SLCO2A1: variants seen among roughly 807,000 people sequenced by gnomAD.
SLCO2A1 encodes matrin F/G 1.
A neutral mutation model predicts 71.7 loss-of-function variants in SLCO2A1; 60 were observed. The ratio of observed to expected loss-of-function variants is 0.84; its 90% CI spans 0.68 to 1.04. SLCO2A1 has a LOEUF of 1.04. Ranked by LOEUF, SLCO2A1 falls within the 50% of genes least tolerant of loss-of-function variation. SLCO2A1 has a pLI of 0.00. For synonymous variants in SLCO2A1, 308 were observed against 326.7 expected, an observed-to-expected ratio of 0.94 and a Z score of 0.62; for missense variants, 745 against 813.4, an observed-to-expected ratio of 0.92 and a Z score of 1.02.
At chr3:134,020,040 T>A (rs1290719995) in intron 1 of SLCO2A1, among the ~76,000 whole-genome samples, 1 of 152,154 alleles carries the variant, frequency 6.6e-6, no homozygotes, top group Non-Finnish European at 1.5e-5. Context: ...GGTTATGTTA[T>A]CTGTAGATTA....
chr3:133,957,666 C>T (rs1453759843), intron 3 of SLCO2A1, among the ~76,000 whole-genome samples: 1 of 152,188 alleles, frequency 6.6e-6, no homozygotes, highest in African/African-American at 2.4e-5. Flanking sequence ...CTTACACCTA[C>T]TTCCTCTCAG....
chr3:133,977,914 C>T (rs949831306), intron 2 of SLCO2A1, among the ~76,000 whole-genome samples: 8 of 151,968 alleles, frequency 5.3e-5, no homozygotes, highest in Non-Finnish European at 8.8e-5. Flanking sequence ...CTCAGGATAG[C>T]AATACAAGCA....
chr3:133,997,987 G>C (rs183718980), intron 1 of SLCO2A1, among the ~76,000 whole-genome samples: 1 of 152,206 alleles, frequency 6.6e-6, no homozygotes, highest in Non-Finnish European at 1.5e-5. Context: ...CCTTGCTCAC[G>C]GTGCCGGGGA....
intron 4 of SLCO2A1, among the ~76,000 whole-genome samples, chr3:133,954,390 G>A (rs1224231336): frequency 3.3e-5 from 5 of 152,034 alleles, no homozygotes; most frequent in South Asian, 4.1e-4. Flanking sequence ...TCGAACTCCC[G>A]GCCTCAGGTG....
Position 133,951,327 on chromosome 3 carries a change from G to A in SLCO2A1, c.742C>T (p.Pro248Ser). 6.2e-7 allele frequency: 1 copy of A among 1,614,080 alleles called. No individual in the cohort carries two copies. Among genetic ancestry groups the A allele is most frequent in the Non-Finnish European group, 8.5e-7 (1 of 1,180,004 alleles). The change falls in exon 6 of 14, where the codon CCG (proline) becomes TCG (serine). Residue 248 changes from proline to serine, a missense_variant. Pro to Ser is a moderately conservative substitution (Grantham distance 74). Transcript: ENST00000310926. ...GCTCCAATCCATCGGGGGTCACCCG[G>A]GACCAAGTTAACTGCAGCTGAAGAG... ...RVNTAAVNLV[P>S]GDPRWIGAWW...
chr3:133,975,224 T>C (rs1012007776), intron 2 of SLCO2A1, among the ~76,000 whole-genome samples: 2 of 152,206 alleles, frequency 1.3e-5, no homozygotes, highest in African/African-American at 4.8e-5. Flanking sequence ...CTCTCACTCT[T>C]CTTCCTTCCT....
chr3:133,987,603 A>G (rs1245509476), intron 1 of SLCO2A1, among the ~76,000 whole-genome samples: 2 of 152,188 alleles, frequency 1.3e-5, no homozygotes, highest in Non-Finnish European at 2.9e-5. Flanking sequence ...CCTAAAATGT[A>G]CAAAACCAAG....
intron 1 of SLCO2A1, among the ~76,000 whole-genome samples, chr3:134,028,812 C>T (rs1935748620): frequency 6.6e-6 from 1 of 152,202 alleles, no homozygotes; most frequent in South Asian, 2.1e-4. Flanking sequence ...GAGGTATCTT[C>T]CATTGTTACT....
At chr3:133,951,484 T>A in intron 5 of SLCO2A1, 140 bp from the exon 6 acceptor site, 1 of 995,804 alleles carries the variant, frequency 1.0e-6, no homozygotes, top group East Asian at 2.5e-5. Context: ...AGATTCTTGG[T>A]CAAAACAACA....
At chr3:134,003,083 T>C (rs1052347198) in intron 1 of SLCO2A1, among the ~76,000 whole-genome samples, 6 of 152,222 alleles carry the variant, frequency 3.9e-5, no homozygotes, top group Non-Finnish European at 8.8e-5. Context: ...TTCCCTCACC[T>C]GGAGTTCTCA....
Position 133,942,787 on chromosome 3 carries a change from G to C in SLCO2A1, c.1462-19C>G. On this transcript the variant is annotated intron_variant, in intron 10 of 13. Transcript: ENST00000310926. ...AATAGATCTTCAAGAGGAAGGGGAGGGAAAAAGGGGGAAATTTGTTATTAT... is the reference window on the plus strand; with the variant it reads ...AATAGATCTTCAAGAGGAAGGGGAGCGAAAAAGGGGGAAATTTGTTATTAT... 2 of 1,568,368 alleles carry C rather than the reference G, an allele frequency of 1.3e-6. No homozygotes were observed. Among genetic ancestry groups the C allele is most frequent in the Non-Finnish European group, 1.7e-6 (2 of 1,157,740 alleles).
At chr3:133,965,725 C>G (rs950008473) in intron 3 of SLCO2A1, among the ~76,000 whole-genome samples, 17 of 152,272 alleles carry the variant, frequency 1.1e-4, no homozygotes, top group African/African-American at 3.9e-4. Flanking sequence ...GTGAGCCTCC[C>G]TCTGTCTTCT....
chr3:134,005,833 A>C (rs1935204302), intron 1 of SLCO2A1, among the ~76,000 whole-genome samples: 1 of 151,994 alleles, frequency 6.6e-6, no homozygotes, highest in Non-Finnish European at 1.5e-5. Flanking sequence ...GATTATATTT[A>C]TATTGTGTTC....
intron 1 of SLCO2A1, among the ~76,000 whole-genome samples, chr3:134,019,926 A>C (rs112934891): frequency 0.014 from 2,171 of 151,690 alleles, 52 homozygotes; most frequent in African/African-American, 0.047. Flanking sequence ...CTGCCTCCAA[A>C]GAAAGAAAAA....
chr3:134,021,111 CTGATTTTGGTTT>C (rs1208477883), intron 1 of SLCO2A1, among the ~76,000 whole-genome samples: 1 of 152,126 alleles, frequency 6.6e-6, no homozygotes, highest in East Asian at 1.9e-4. Flanking sequence ...TCTGGATACT[CTGATTTTGGTTT>C]TGATTTTGCT....
At chr3:133,980,877 C>T (rs866854676) in intron 1 of SLCO2A1, among the ~76,000 whole-genome samples, 8 of 152,250 alleles carry the variant, frequency 5.3e-5, no homozygotes, top group African/African-American at 1.7e-4. Flanking sequence ...AACCAGACAC[C>T]TCTCCTGACT....
intron 1 of SLCO2A1, among the ~76,000 whole-genome samples, chr3:133,997,372 G>A (rs752942999): frequency 2.9e-4 from 44 of 152,322 alleles, no homozygotes; most frequent in Admixed American, 2.6e-4. Context: ...GCTCATGACC[G>A]TGACATTATT....
At chr3:134,029,510 T>A (rs1288426970) in intron 1 of SLCO2A1, among the ~76,000 whole-genome samples, 197 bp downstream of exon 1, 8,347 of 143,972 alleles carry the variant, frequency 0.058, 370 homozygotes, top group East Asian at 0.19. Flanking sequence ...ACACACACGC[T>A]CACACACACA....
intron 1 of SLCO2A1, among the ~76,000 whole-genome samples, chr3:134,020,101 G>A (rs759128840): frequency 2.0e-5 from 3 of 151,978 alleles, no homozygotes; most frequent in African/African-American, 4.8e-5. Context: ...GTTTTGTTCC[G>A]ATCTAATTAC....
Sources: gnomAD v4.1 joint callset for allele counts (sites outside exome capture counted in the v4.1 genomes callset) on GRCh38, gnomAD v4.1.1 for gene constraint, MANE v1.5 for transcripts, NCBI Gene and HGNC (gene_info 2026-07-23, HGNC 2026-07-21) for gene names.